The following CSMD1 variants were observed in gnomAD, a reference collection of about 807,000 sequenced individuals.
The protein encoded by CSMD1 is CUB and sushi domain-containing protein 1.
In CSMD1, 213 loss-of-function variants were observed where a neutral mutation model predicts 417.5. The observed-to-expected ratio is 0.51, with a 90% CI of 0.46 to 0.57. The LOEUF (loss-of-function observed/expected upper bound fraction) is 0.57. Ranked by LOEUF, CSMD1 falls within the 20% of genes least tolerant of loss-of-function variation. CSMD1 has a pLI of 0.00. For synonymous variants in CSMD1, 2,862 were observed against 1,736.8 expected (o/e 1.65, Z -16.11); for missense variants, 6,923 against 4,529.7 (o/e 1.53, Z -15.17).
intron 3 of CSMD1, among the ~76,000 whole-genome samples, chr8:4,057,253 T>G (rs1284204152): frequency 1.3e-5 from 2 of 152,204 alleles, no homozygotes. Flanking sequence ...TATCTCATTG[T>G]GGTTTTGATT....
intron 3 of CSMD1, among the ~76,000 whole-genome samples, chr8:4,318,693 T>C (rs1235084328): frequency 2.3e-5 from 3 of 128,584 alleles, no homozygotes; most frequent in African/African-American, 5.6e-5. Flanking sequence ...ACTCAAAGGC[T>C]TAATATTATT....
At chr8:3,749,134 T>G (rs911356990) in intron 6 of CSMD1, among the ~76,000 whole-genome samples, 12 of 152,200 alleles carry the variant, frequency 7.9e-5, no homozygotes, top group African/African-American at 2.9e-4. Flanking sequence ...TTGTAGACAC[T>G]GAAAACGTCT....
At chr8:3,721,853 T>C (rs575415217) in intron 6 of CSMD1, among the ~76,000 whole-genome samples, 1 of 152,256 alleles carries the variant, frequency 6.6e-6, no homozygotes, top group South Asian at 2.1e-4. Flanking sequence ...AGAGGCGCTG[T>C]ATGAAGAAAA....
chr8:4,777,194 T>C (rs1796898651), intron 1 of CSMD1, among the ~76,000 whole-genome samples: 1 of 152,230 alleles, frequency 6.6e-6, no homozygotes, highest in Admixed American at 6.5e-5. Flanking sequence ...CTTGTGGTTG[T>C]TATTTTACCA....
chr8:3,274,236 T>C (rs2117173048), intron 26 of CSMD1, among the ~76,000 whole-genome samples: 1 of 151,954 alleles, frequency 6.6e-6, no homozygotes, highest in East Asian at 1.9e-4. Flanking sequence ...AGTTGAGCGG[T>C]TTTGAGTGAG....
chr8:4,979,174 G>A (rs1810734090), intron 1 of CSMD1, among the ~76,000 whole-genome samples: 1 of 152,104 alleles, frequency 6.6e-6, no homozygotes, highest in Non-Finnish European at 1.5e-5. Context: ...AAGTTCAAAT[G>A]ATGAACTAGG....
chr8:4,235,193 T>A (rs1221379023), intron 3 of CSMD1, among the ~76,000 whole-genome samples: 1 of 152,082 alleles, frequency 6.6e-6, no homozygotes, highest in Non-Finnish European at 1.5e-5. Flanking sequence ...CTCTCTCCTG[T>A]CCAAACTCAA....
chr8:4,394,889 T>C (rs1490855385), intron 3 of CSMD1, among the ~76,000 whole-genome samples: 3 of 152,146 alleles, frequency 2.0e-5, no homozygotes, highest in Admixed American at 2.0e-4. Flanking sequence ...TACACGTCTG[T>C]TTTCACCACA....
chr8:4,374,488 C>T (rs1584976641), intron 3 of CSMD1, among the ~76,000 whole-genome samples: 1 of 152,012 alleles, frequency 6.6e-6, no homozygotes, highest in African/African-American at 2.4e-5. Flanking sequence ...TTGCTACTGG[C>T]AGGAGTGAGG....
chr8:4,169,925 A>C lies in CSMD1; in HGVS notation c.416-137826T>G, dbSNP rs571353923. 7.2e-5 allele frequency among the ~76,000 whole-genome samples: 11 copies of C among 152,136 alleles called. No individual in the cohort carries two copies. In the East Asian group the frequency reaches 1.4e-3, roughly 19 times the overall value. Reference sequence around the variant, plus strand: ...TGTTTCCACTATTATTATAGAACGTAACTCAGAAGAGATTTTGGCTTGCGT... The same window carrying C: ...TGTTTCCACTATTATTATAGAACGTCACTCAGAAGAGATTTTGGCTTGCGT... On this transcript the variant is annotated intron_variant, in intron 3 of 69. Coordinates refer to ENST00000635120, the MANE Select transcript of CSMD1 (RefSeq NM_033225.6).
rs533637027 is a variant in CSMD1 at position 3,705,328 on chromosome 8, G to A, written c.1009+3086C>T. ...CTTGGAGCAGAGACAGCTTCAGGGGGCTGCAGGAGGCAGCTCAGCCTTCCA... is the reference window on the plus strand; with the variant it reads ...CTTGGAGCAGAGACAGCTTCAGGGGACTGCAGGAGGCAGCTCAGCCTTCCA... On this transcript the variant is annotated intron_variant, in intron 7 of 69. Transcript: ENST00000635120. Among the ~76,000 whole-genome samples the A allele has an allele frequency of 2.6e-5, 4 of 152,310 alleles. No individual in the cohort carries two copies. In the South Asian group the frequency reaches 6.2e-4, roughly 24 times the overall value.
At chr8:4,322,263 T>C (rs536763619) in intron 3 of CSMD1, among the ~76,000 whole-genome samples, 2 of 152,342 alleles carry the variant, frequency 1.3e-5, no homozygotes, top group South Asian at 2.1e-4. Flanking sequence ...TTTAAAATAG[T>C]TTAAACATAA....
At chr8:4,154,811 A>T (rs34335386) in intron 3 of CSMD1, among the ~76,000 whole-genome samples, 1 of 152,184 alleles carries the variant, frequency 6.6e-6, no homozygotes, top group African/African-American at 2.4e-5. Flanking sequence ...TGAATGTTGG[A>T]AAGAGAGGCA....
intron 3 of CSMD1, among the ~76,000 whole-genome samples, chr8:4,152,269 T>C (rs765938994): frequency 5.3e-5 from 8 of 152,310 alleles, no homozygotes; most frequent in South Asian, 2.1e-4. Context: ...GATGGTAATA[T>C]AGAAATACGA....
At chr8:3,798,349 G>A (rs1800274230) in intron 5 of CSMD1, among the ~76,000 whole-genome samples, 1 of 151,966 alleles carries the variant, frequency 6.6e-6, no homozygotes, top group Non-Finnish European at 1.5e-5. Context: ...ATGGCAGTAA[G>A]TCACTCTCTT....
chr8:3,437,062 T>C (rs569651841), intron 12 of CSMD1, among the ~76,000 whole-genome samples: 8 of 152,324 alleles, frequency 5.3e-5, no homozygotes, highest in South Asian at 4.1e-4. Context: ...TCTCTGGCTA[T>C]GGTTCTCATG....
At chr8:4,332,089 T>A (rs890901216) in intron 3 of CSMD1, among the ~76,000 whole-genome samples, 2 of 152,174 alleles carry the variant, frequency 1.3e-5, no homozygotes, top group Non-Finnish European at 2.9e-5. Flanking sequence ...CATCTATTTT[T>A]AATTTTGCCA....
At chr8:3,835,107 T>C (rs1021471251) in intron 5 of CSMD1, among the ~76,000 whole-genome samples, 9 of 148,868 alleles carry the variant, frequency 6.0e-5, no homozygotes, top group Admixed American at 6.0e-4. Context: ...GGAACACTTT[T>C]ACACTGTTGG....
intron 6 of CSMD1, among the ~76,000 whole-genome samples, chr8:3,723,951 A>G (rs1310819821): frequency 8.5e-6 from 1 of 117,080 alleles, no homozygotes; most frequent in African/African-American, 2.5e-5. Flanking sequence ...AGAAATAGCC[A>G]TTTGTTAAGT....
Sources: gnomAD v4.1 joint callset for allele counts (sites outside exome capture counted in the v4.1 genomes callset) on GRCh38, gnomAD v4.1.1 for gene constraint, MANE v1.5 for transcripts, NCBI Gene and HGNC (gene_info 2026-07-23, HGNC 2026-07-21) for gene names.